PTPRD: variants seen among roughly 807,000 people sequenced by gnomAD.
PTPRD encodes the protein receptor-type tyrosine-protein phosphatase delta.
Under a neutral mutation model 214.5 loss-of-function variants are expected in PTPRD, and 34 were observed. The ratio of observed to expected loss-of-function variants is 0.16; its 90% CI spans 0.12 to 0.21. The LOEUF is 0.21. PTPRD is among the 10% of genes least tolerant of loss of function. PTPRD has a pLI of 1.00. For missense variants in PTPRD, 2,545 were observed against 2,398.7 expected (o/e 1.06, Z -1.27); for synonymous variants, 1,128 against 845.7 (o/e 1.33, Z -5.79).
chr9:10,596,816 T>A (rs931215229), intron 2 of PTPRD, among the ~76,000 whole-genome samples: 7 of 151,660 alleles, frequency 4.6e-5, no homozygotes, highest in Non-Finnish European at 1.0e-4. Context: ...GTTAATAATA[T>A]CTGCTTTTAA....
rs1176439276 is a variant in PTPRD at position 8,808,440 on chromosome 9, T to G, written c.-103-74494A>C. On this transcript the variant is annotated intron_variant, in intron 11 of 45. Coordinates refer to ENST00000381196, the MANE Select transcript of PTPRD (RefSeq NM_002839.4). ...ACCAAATACAAAATTTATATGCCAGTAGAATTTTAAAAGCCCCCCACCTTT... is the reference window on the plus strand; with the variant it reads ...ACCAAATACAAAATTTATATGCCAGGAGAATTTTAAAAGCCCCCCACCTTT... Among the ~76,000 whole-genome samples the G allele has an allele frequency of 2.0e-5, 3 of 149,014 alleles. No individual in the cohort carries two copies. The Admixed American group carries it at 2.0e-4, about 10-fold the overall frequency.
intron 11 of PTPRD, among the ~76,000 whole-genome samples, chr9:8,766,193 A>AC (rs1309654868): frequency 2.0e-5 from 3 of 151,800 alleles, no homozygotes; most frequent in Non-Finnish European, 4.4e-5. Flanking sequence ...TGATGAAAAA[A>AC]AAAAAAAAAA....
In PTPRD at chr9:8,338,984, G is replaced by C. The variant is rs2132228233; in HGVS notation, c.5317C>G (p.Pro1773Ala). 2 of 1,612,408 alleles carry C rather than the reference G, an allele frequency of 1.2e-6. No individual in the cohort carries two copies. Among genetic ancestry groups the C allele is most frequent in the Non-Finnish European group, 8.5e-7 (1 of 1,178,840 alleles). ...SARYQYFVVDPMAEYNMPQYI... is the reference protein window; with the variant it reads ...SARYQYFVVDAMAEYNMPQYI... Reference sequence around the variant, plus strand: ...TGTGGCATGTTGTACTCAGCCATGGGATCTACAACAAAGTACTGGTATCTT... The same window carrying C: ...TGTGGCATGTTGTACTCAGCCATGGCATCTACAACAAAGTACTGGTATCTT... Residue 1773 changes from proline to alanine, a missense_variant, in exon 43 of 46, where the codon CCC (proline) becomes GCC (alanine). Coordinates refer to ENST00000381196, the MANE Select transcript of PTPRD (RefSeq NM_002839.4).
At chr9:9,795,035 G>T (rs1013308982) in intron 5 of PTPRD, among the ~76,000 whole-genome samples, 2 of 152,192 alleles carry the variant, frequency 1.3e-5, no homozygotes, top group Non-Finnish European at 2.9e-5. Flanking sequence ...GTGCTCACTG[G>T]CACAGGCCAC....
At chr9:10,241,344 C>A (rs2091004641) in intron 3 of PTPRD, among the ~76,000 whole-genome samples, 1 of 151,848 alleles carries the variant, frequency 6.6e-6, no homozygotes, top group Non-Finnish European at 1.5e-5. Flanking sequence ...CATTTCATTC[C>A]TAGAGATTTA....
At chr9:8,890,827 T>G (rs1287794501) in intron 11 of PTPRD, among the ~76,000 whole-genome samples, 1 of 152,176 alleles carries the variant, frequency 6.6e-6, no homozygotes, top group African/African-American at 2.4e-5. Flanking sequence ...CTATTTTCAT[T>G]TGTTACTTCA....
At chr9:9,373,251 T>C (rs2059988738) in intron 9 of PTPRD, among the ~76,000 whole-genome samples, 1 of 152,062 alleles carries the variant, frequency 6.6e-6, no homozygotes, top group South Asian at 2.1e-4. Flanking sequence ...CTACTTAAAC[T>C]CCCAGTGCCT....
intron 3 of PTPRD, among the ~76,000 whole-genome samples, chr9:10,328,414 C>G (rs774484204): frequency 4.0e-5 from 6 of 151,618 alleles, no homozygotes; most frequent in Admixed American, 1.3e-4. Flanking sequence ...GTAAGAGCAG[C>G]TTTTTATGGT....
intron 4 of PTPRD, among the ~76,000 whole-genome samples, chr9:9,972,076 C>T (rs183239311): frequency 6.6e-6 from 1 of 152,238 alleles, no homozygotes; most frequent in Non-Finnish European, 1.5e-5. Context: ...GCCACAGTTG[C>T]AGCATTTGAC....
At chr9:9,137,802 C>T in intron 10 of PTPRD, among the ~76,000 whole-genome samples, 1 of 152,086 alleles carries the variant, frequency 6.6e-6, no homozygotes, top group East Asian at 1.9e-4. Context: ...CATGAGGTTG[C>T]ACAAGCCACA....
At chr9:10,327,864 G>A (rs894782348) in intron 3 of PTPRD, among the ~76,000 whole-genome samples, 1 of 151,718 alleles carries the variant, frequency 6.6e-6, no homozygotes, top group Non-Finnish European at 1.5e-5. Flanking sequence ...CAGGGCTCCT[G>A]AAGAACCCAG....
At chr9:9,037,140 C>T (rs1258748676) in intron 10 of PTPRD, among the ~76,000 whole-genome samples, 1 of 152,024 alleles carries the variant, frequency 6.6e-6, no homozygotes, top group Non-Finnish European at 1.5e-5. Flanking sequence ...TAAATCTAGG[C>T]CAAACTACAG....
At chr9:8,913,120 GA>G (rs2098759397) in intron 11 of PTPRD, among the ~76,000 whole-genome samples, 1 of 150,872 alleles carries the variant, frequency 6.6e-6, no homozygotes, top group African/African-American at 2.5e-5. Context: ...AAATACCACA[GA>G]ATTTTCTTTA....
At chr9:10,126,391 G>A (rs965652997) in intron 3 of PTPRD, among the ~76,000 whole-genome samples, 1 of 149,604 alleles carries the variant, frequency 6.7e-6, no homozygotes, top group Non-Finnish European at 1.5e-5. Context: ...GTTCAGTATT[G>A]AAATTTGATT....
intron 5 of PTPRD, among the ~76,000 whole-genome samples, chr9:9,769,544 G>A (rs1169244293): frequency 6.6e-6 from 1 of 151,530 alleles, no homozygotes; most frequent in Non-Finnish European, 1.5e-5. Flanking sequence ...GCCAGGATGG[G>A]CTCGATCTCC....
chr9:9,063,751 G>A (rs1221281999), intron 10 of PTPRD, among the ~76,000 whole-genome samples: 1 of 152,094 alleles, frequency 6.6e-6, no homozygotes, highest in Non-Finnish European at 1.5e-5. Flanking sequence ...ACTAGTATGC[G>A]GAAGACTGTT....
intron 14 of PTPRD, among the ~76,000 whole-genome samples, chr9:8,588,362 T>C (rs888183926): frequency 2.0e-5 from 3 of 152,210 alleles, no homozygotes; most frequent in African/African-American, 7.2e-5. Context: ...TTTCTTTGTG[T>C]CACAGTCATA....
intron 7 of PTPRD, among the ~76,000 whole-genome samples, chr9:9,638,748 A>G (rs532845286): frequency 7.9e-5 from 12 of 152,312 alleles, no homozygotes; most frequent in East Asian, 5.8e-4. Context: ...TTGTGCTACT[A>G]TAACAGATTA....
At chr9:9,667,851 T>C (rs1359972209) in intron 7 of PTPRD, among the ~76,000 whole-genome samples, 1 of 152,198 alleles carries the variant, frequency 6.6e-6, no homozygotes, top group Non-Finnish European at 1.5e-5. Context: ...TCAAGCATCC[T>C]TGGTGACCTT....
Sources: allele counts gnomAD v4.1 joint callset (sites outside exome capture counted in the v4.1 genomes callset), GRCh38; gene constraint gnomAD v4.1.1; transcripts MANE v1.5; gene names NCBI Gene and HGNC (gene_info 2026-07-23, HGNC 2026-07-21).